Variants in IL1RAPL1 observed in about 807,000 individuals in gnomAD.
IL1RAPL1 encodes the protein interleukin 1 receptor accessory protein like 1, also known as interleukin-1 receptor accessory protein-like 1.
IL1RAPL1 carries 3 observed loss-of-function variants against 48.4 expected under a neutral mutation model. The ratio of observed to expected loss-of-function variants is 0.06; its 90% CI spans 0.03 to 0.16. The LOEUF is 0.16. Among genes scored for constraint, IL1RAPL1 ranks in the 10% least tolerant of loss-of-function variants. IL1RAPL1 has a pLI of 1.00. For missense variants in IL1RAPL1, 349 were observed against 530.6 expected, an observed-to-expected ratio of 0.66 and a Z score of 3.36; for synonymous variants, 185 against 187.7, an observed-to-expected ratio of 0.99 and a Z score of 0.12.
chrX:29,310,128 A>G (rs1932696868), intron 3 of IL1RAPL1, among the ~76,000 whole-genome samples: 1 of 58,823 alleles, frequency 1.7e-5, no homozygotes, highest in Admixed American at 1.9e-4. Flanking sequence ...AAAAAAAAAA[A>G]AGAAAGGAAA....
At chrX:29,336,122 A>T (rs1334906804) in intron 3 of IL1RAPL1, among the ~76,000 whole-genome samples, 1 of 104,886 alleles carries the variant, frequency 9.5e-6, no homozygotes, top group Non-Finnish European at 1.9e-5. Flanking sequence ...ATATACATAT[A>T]TACATATATA....
At chrX:29,598,848 C>A (rs144818647) in intron 5 of IL1RAPL1, among the ~76,000 whole-genome samples, 1 of 111,768 alleles carries the variant, frequency 8.9e-6, no homozygotes, top group African/African-American at 3.2e-5. Flanking sequence ...AATAGCTACC[C>A]GTACTCCTCA....
chrX:28,687,797 A>T lies in IL1RAPL1; in HGVS notation c.-25+99750A>T, dbSNP rs199646976. 5.8e-4 allele frequency among the ~76,000 whole-genome samples: 62 copies of T among 107,094 alleles called. 2 individuals are homozygous for T. In the East Asian group the frequency reaches 0.012, roughly 22 times the overall value. 93.0% of individuals were successfully genotyped at this position (107,094 alleles called of 115,157 possible). A position where few individuals can be genotyped will look rare whatever the true frequency, so the allele number is the denominator to read the frequency against. ...ACTCCGTCTCAGAAAAAAAAAAAAAAAATAAAATAAAATATGGGGGCAGGG... is the reference window on the plus strand; with the variant it reads ...ACTCCGTCTCAGAAAAAAAAAAAAATAATAAAATAAAATATGGGGGCAGGG... On this transcript the variant is annotated intron_variant, in intron 1 of 10. Transcript: ENST00000378993.
At chrX:29,057,862 A>G (rs1927255382) in intron 2 of IL1RAPL1, among the ~76,000 whole-genome samples, 1 of 112,115 alleles carries the variant, frequency 8.9e-6, no homozygotes, top group Non-Finnish European at 1.9e-5. Flanking sequence ...TAGAAGTAGA[A>G]GTCAAATATT....
chrX:28,630,113 G>C (rs1338828923), intron 1 of IL1RAPL1, among the ~76,000 whole-genome samples: 1 of 111,303 alleles, frequency 9.0e-6, no homozygotes, highest in Non-Finnish European at 1.9e-5. Flanking sequence ...AAGCCATAAA[G>C]ATAGGTTTCA....
At chrX:29,535,696 G>A (rs559169343) in intron 5 of IL1RAPL1, among the ~76,000 whole-genome samples, 1 of 112,031 alleles carries the variant, frequency 8.9e-6, no homozygotes, top group Non-Finnish European at 1.9e-5. Flanking sequence ...GGAGGATCTC[G>A]ATAAAATATT....
intron 3 of IL1RAPL1, among the ~76,000 whole-genome samples, chrX:29,368,288 C>A (rs1933494145): frequency 8.9e-6 from 1 of 112,220 alleles, no homozygotes; most frequent in Non-Finnish European, 1.9e-5. Flanking sequence ...GTATGTATAC[C>A]TAGCAAGGTA....
chrX:29,215,448 C>T (rs1305191522), intron 2 of IL1RAPL1, among the ~76,000 whole-genome samples: 1 of 111,177 alleles, frequency 9.0e-6, no homozygotes, highest in African/African-American at 3.3e-5. Flanking sequence ...GACACTGTTA[C>T]ATGAATAAGT....
chrX:29,135,306 A>C (rs1929102050), intron 2 of IL1RAPL1, among the ~76,000 whole-genome samples: 2 of 111,996 alleles, frequency 1.8e-5, no homozygotes, highest in Admixed American at 1.9e-4. Flanking sequence ...AGTTTAACAT[A>C]ATCTCTGTAT....
intron 1 of IL1RAPL1, among the ~76,000 whole-genome samples, chrX:28,606,204 T>C (rs923020407): frequency 8.9e-6 from 1 of 112,347 alleles, no homozygotes; most frequent in Non-Finnish European, 1.9e-5. Flanking sequence ...GTAAATTTGG[T>C]AAAATAAATA....
chrX:29,874,308 G>A (rs1931859682), intron 6 of IL1RAPL1, among the ~76,000 whole-genome samples: 1 of 110,032 alleles, frequency 9.1e-6, no homozygotes, highest in African/African-American at 3.4e-5. Context: ...AATATTTGGG[G>A]TTTTATGGAA....
chrX:29,624,716 C>T (rs1924567113), intron 5 of IL1RAPL1, among the ~76,000 whole-genome samples: 1 of 109,618 alleles, frequency 9.1e-6, no homozygotes, highest in African/African-American at 3.3e-5. Flanking sequence ...TTGGTTGCTA[C>T]ATGCCTGTAG....
At chrX:29,488,053 A>G (rs1935115059) in intron 5 of IL1RAPL1, among the ~76,000 whole-genome samples, 2 of 111,692 alleles carry the variant, frequency 1.8e-5, no homozygotes, top group Admixed American at 9.5e-5. Context: ...CTGTGTCTTT[A>G]TTTCACAATT....
At chrX:28,615,220 T>G (rs200233812) in intron 1 of IL1RAPL1, among the ~76,000 whole-genome samples, 11,762 of 84,481 alleles carry the variant, frequency 0.14, 735 homozygotes, top group South Asian at 0.18. Flanking sequence ...TTTTTTTTTT[T>G]TTTTTTTTTT....
intron 3 of IL1RAPL1, among the ~76,000 whole-genome samples, chrX:29,389,042 G>A (rs1933820427): frequency 9.0e-6 from 1 of 111,452 alleles, no homozygotes; most frequent in Admixed American, 9.6e-5. Flanking sequence ...AGCAAAATGA[G>A]GATAAATACT....
At chrX:29,720,723 G>T (rs892268507) in intron 6 of IL1RAPL1, among the ~76,000 whole-genome samples, 1 of 110,887 alleles carries the variant, frequency 9.0e-6, no homozygotes, top group African/African-American at 3.3e-5. Context: ...TGCACGTTCT[G>T]CACATGTATC....
chrX:29,437,707 T>A (rs1165907009), intron 5 of IL1RAPL1, among the ~76,000 whole-genome samples: 2 of 110,841 alleles, frequency 1.8e-5, no homozygotes, highest in Non-Finnish European at 3.8e-5. Context: ...TTTAGTCTGT[T>A]AATATGGTGG....
At chrX:29,361,913 A>T (rs1214933220) in intron 3 of IL1RAPL1, among the ~76,000 whole-genome samples, 1 of 112,322 alleles carries the variant, frequency 8.9e-6, no homozygotes, top group East Asian at 2.8e-4. Flanking sequence ...ATCAATGGAG[A>T]TGACATTTGC....
At chrX:29,631,495 G>A (rs1311430492) in intron 5 of IL1RAPL1, among the ~76,000 whole-genome samples, 2 of 111,826 alleles carry the variant, frequency 1.8e-5, no homozygotes, top group African/African-American at 6.5e-5. Context: ...TGCCCAGGCT[G>A]GGCTCGAACT....
Sources: gnomAD v4.1 joint callset for allele counts (sites outside exome capture counted in the v4.1 genomes callset) on GRCh38, gnomAD v4.1.1 for gene constraint, MANE v1.5 for transcripts, NCBI Gene and HGNC (gene_info 2026-07-23, HGNC 2026-07-21) for gene names.